The following PBX3 variants were observed in gnomAD, a reference collection of about 807,000 sequenced individuals.
PBX3 encodes pre-B-cell leukemia transcription factor 3.
In PBX3, 14 loss-of-function variants were observed where a neutral mutation model predicts 48.5. That is an observed-to-expected ratio of 0.29 (90% CI 0.19 to 0.45). PBX3 has a LOEUF of 0.45. PBX3 is among the 20% of genes least tolerant of loss of function. PBX3 has a pLI of 1.00. For missense variants in PBX3, 386 were observed against 546.7 expected (o/e 0.71, Z 2.93); for synonymous variants, 210 against 200.3 (o/e 1.05, Z -0.41).
intron 5 of PBX3, among the ~76,000 whole-genome samples, chr9:125,946,755 G>A (rs1250432442): frequency 1.3e-5 from 2 of 152,132 alleles, no homozygotes; most frequent in Non-Finnish European, 2.9e-5. Context: ...ATATAAATGT[G>A]ATTGAGCCCC....
chr9:125,854,307 T>G (rs1340787897), intron 2 of PBX3, among the ~76,000 whole-genome samples: 2 of 150,552 alleles, frequency 1.3e-5, no homozygotes, highest in Non-Finnish European at 1.5e-5. Context: ...GATTTTTGTG[T>G]TTTTTTTTGT....
chr9:125,841,030 T>TAACC (rs1222153384), intron 2 of PBX3, among the ~76,000 whole-genome samples: 6 of 152,284 alleles, frequency 3.9e-5, no homozygotes, highest in African/African-American at 1.4e-4. Context: ...ATTCTTAAAT[T>TAACC]ATTATGTACT....
At chr9:125,917,301 A>G (rs189256321) in intron 3 of PBX3, among the ~76,000 whole-genome samples, 1 of 152,286 alleles carries the variant, frequency 6.6e-6, no homozygotes, top group African/African-American at 2.4e-5. Context: ...GTCCCCACAC[A>G]TGCATAGTCT....
chr9:125,859,817 T>C (rs1034255507), intron 2 of PBX3, among the ~76,000 whole-genome samples: 4 of 152,236 alleles, frequency 2.6e-5, no homozygotes, highest in Admixed American at 1.3e-4. Context: ...TATCGGTGTT[T>C]CCTAATATAA....
chr9:125,928,496 C>T (rs1184325379), intron 3 of PBX3, among the ~76,000 whole-genome samples: 4 of 149,368 alleles, frequency 2.7e-5, no homozygotes, highest in Admixed American at 6.7e-5. Context: ...CTTGGAATCT[C>T]GCTTTGTTGC....
In PBX3 at chr9:125,809,349, TC is replaced by T. The variant is rs1338915310; in HGVS notation, c.274+60727del. On this transcript the variant is annotated intron_variant, in intron 2 of 8. Transcript: ENST00000373489. ...ACTTTATTTTATTCTTGGGAAAAAA[TC>T]TTTTTTCTTTTTTGGGGAGATGTGA... Among the ~76,000 whole-genome samples the T allele has an allele frequency of 3.9e-5, 6 of 152,228 alleles. No individual in the cohort carries two copies. The South Asian group carries it at 6.2e-4, about 16-fold the overall frequency.
chr9:125,835,655 A>G (rs887565861), intron 2 of PBX3, among the ~76,000 whole-genome samples: 2 of 152,232 alleles, frequency 1.3e-5, no homozygotes, highest in African/African-American at 4.8e-5. Context: ...AATCAAACCC[A>G]CAATATAATA....
At chr9:125,841,493 G>A (rs957918339) in intron 2 of PBX3, among the ~76,000 whole-genome samples, 11 of 152,130 alleles carry the variant, frequency 7.2e-5, no homozygotes, top group Non-Finnish European at 1.6e-4. Context: ...TTTTATGTAC[G>A]TAACTGTTGC....
At chr9:125,863,969 A>G (rs189382174) in intron 2 of PBX3, among the ~76,000 whole-genome samples, 43 of 152,352 alleles carry the variant, frequency 2.8e-4, no homozygotes, top group African/African-American at 9.9e-4. Flanking sequence ...GAAGCAGGCA[A>G]CGATGGGGAG....
chr9:125,883,135 A>G lies in PBX3; in HGVS notation c.275-32551A>G, dbSNP rs190601793. On this transcript the variant is annotated intron_variant, in intron 2 of 8. Coordinates refer to ENST00000373489, the MANE Select transcript of PBX3 (RefSeq NM_006195.6). ...GTGTTGATGTAGTTTAAGTCTTTTA[A>G]TATATACAATCATTTATTCTGTTGT... is the stretch of plus-strand genomic sequence containing the variant. Among the ~76,000 whole-genome samples, 288 of 152,348 alleles carry G rather than the reference A, an allele frequency of 1.9e-3. 2 individuals are homozygous for G. The highest frequency in any genetic ancestry group is 6.8e-3 in the Middle Eastern group (2 of 294).
intron 2 of PBX3, among the ~76,000 whole-genome samples, chr9:125,838,880 A>G (rs1485091144): frequency 1.3e-5 from 2 of 152,220 alleles, no homozygotes; most frequent in East Asian, 3.8e-4. Context: ...GAAGGCTGAA[A>G]GGAGTGGATT....
At chr9:125,879,317 G>A (rs1287214861) in intron 2 of PBX3, among the ~76,000 whole-genome samples, 10 of 151,988 alleles carry the variant, frequency 6.6e-5, no homozygotes, top group African/African-American at 1.5e-4. Context: ...TCCTGACCTC[G>A]TGATCAGCGC....
chr9:125,823,222 T>G (rs1295009824), intron 2 of PBX3, among the ~76,000 whole-genome samples: 1 of 152,120 alleles, frequency 6.6e-6, no homozygotes, highest in Non-Finnish European at 1.5e-5. Context: ...TGCTGTTGAT[T>G]ATTGACATTT....
chr9:125,844,352 G>GTA (rs1466329461), intron 2 of PBX3, among the ~76,000 whole-genome samples: 1 of 147,478 alleles, frequency 6.8e-6, no homozygotes, highest in Admixed American at 6.8e-5. Flanking sequence ...AAAGTCCTAG[G>GTA]TATATATATT....
intron 2 of PBX3, among the ~76,000 whole-genome samples, chr9:125,912,885 G>A (rs1345338864): frequency 6.6e-6 from 1 of 152,104 alleles, no homozygotes; most frequent in Non-Finnish European, 1.5e-5. Flanking sequence ...AGAGGAGTAG[G>A]TATTATGACT....
chr9:125,852,329 T>C (rs1477825883), intron 2 of PBX3, among the ~76,000 whole-genome samples: 1 of 152,214 alleles, frequency 6.6e-6, no homozygotes, highest in Admixed American at 6.5e-5. Flanking sequence ...TTTGTTATCT[T>C]TTCCCATTAT....
chr9:125,769,835 T>G (rs1806376105), intron 2 of PBX3, among the ~76,000 whole-genome samples: 1 of 152,212 alleles, frequency 6.6e-6, no homozygotes, highest in African/African-American at 2.4e-5. Context: ...GACGAGGAGA[T>G]TTCTAAGGCT....
intron 2 of PBX3, among the ~76,000 whole-genome samples, chr9:125,780,072 C>T (rs1315024500): frequency 7.5e-6 from 1 of 133,234 alleles, no homozygotes; most frequent in Non-Finnish European, 1.6e-5. Context: ...GGCTGACCCC[C>T]CCACCTCCCT....
At chr9:125,756,958 A>T (rs1836534462) in intron 2 of PBX3, among the ~76,000 whole-genome samples, 1 of 152,178 alleles carries the variant, frequency 6.6e-6, no homozygotes, top group South Asian at 2.1e-4. Context: ...TTTAAAACAT[A>T]TGAAGTTATT....
Sources: gnomAD v4.1 joint callset for allele counts (sites outside exome capture counted in the v4.1 genomes callset) on GRCh38, gnomAD v4.1.1 for gene constraint, MANE v1.5 for transcripts, NCBI Gene and HGNC (gene_info 2026-07-23, HGNC 2026-07-21) for gene names.